Variants in M1AP observed in about 807,000 individuals in gnomAD.
M1AP encodes meiosis 1 associated protein.
A neutral mutation model predicts 51.2 loss-of-function variants in M1AP; 39 were observed. That is an observed-to-expected ratio of 0.76 (90% confidence interval 0.59 to 1.00). The LOEUF (loss-of-function observed/expected upper bound fraction) is 1.00, where lower values mean the gene tolerates loss of function less well. M1AP is among the 50% of genes least tolerant of loss of function. The pLI is 0.00. For synonymous variants in M1AP, 251 were observed against 249.2 expected (o/e 1.01, Z -0.07); for missense variants, 545 against 641.2 (o/e 0.85, Z 1.62).
At chr2:74,611,322 G>A (rs1250112245) in intron 3 of M1AP, among the ~76,000 whole-genome samples, 3 of 152,132 alleles carry the variant, frequency 2.0e-5, no homozygotes, top group Non-Finnish European at 2.9e-5. Context: ...TTTCTTCAAC[G>A]GAAGACTTTT....
chr2:74,623,131 T>C (rs1682166276), intron 2 of M1AP, among the ~76,000 whole-genome samples: 1 of 152,012 alleles, frequency 6.6e-6, no homozygotes, highest in Non-Finnish European at 1.5e-5. Context: ...AAAAAACAAA[T>C]TATTGGACTA....
rs115450930 is a variant in M1AP, at chr2:74,613,788, G to A, written c.426+1176C>T. The stretch of plus-strand genomic sequence containing the variant: ...CAGAGGCATGAGGGAATTTTCCCCC[G>A]ATGTTTACAAGAGGACTTGGTTGAG... On this transcript the variant is annotated intron_variant, in intron 3 of 10. Transcript: ENST00000421985. Among the ~76,000 whole-genome samples, 289 of 152,258 alleles carry A rather than the reference G, an allele frequency of 1.9e-3. 4 individuals carry two copies. Among genetic ancestry groups the A allele is most frequent in the African/African-American group, 6.6e-3 (275 of 41,538 alleles).
At chr2:74,644,250 CATAG>C (rs1683467794) in intron 1 of M1AP, among the ~76,000 whole-genome samples, 1 of 152,066 alleles carries the variant, frequency 6.6e-6, no homozygotes, top group Non-Finnish European at 1.5e-5. Flanking sequence ...TCTAAGAATA[CATAG>C]ATAGGCCGGG....
At chr2:74,623,559 C>T (rs1291442469) in intron 2 of M1AP, among the ~76,000 whole-genome samples, 8 of 151,788 alleles carry the variant, frequency 5.3e-5, no homozygotes, top group Non-Finnish European at 4.4e-5. Context: ...TACCCTCAGA[C>T]ATTTAAATTT....
At chr2:74,608,988 T>C (rs1470437187) in intron 3 of M1AP, among the ~76,000 whole-genome samples, 1 of 152,252 alleles carries the variant, frequency 6.6e-6, no homozygotes, top group African/African-American at 2.4e-5. Flanking sequence ...GTGTGATGTT[T>C]TGATACATTT....
chr2:74,641,931 C>T (rs1338650451), intron 1 of M1AP, among the ~76,000 whole-genome samples: 4 of 151,528 alleles, frequency 2.6e-5, no homozygotes, highest in South Asian at 2.1e-4. Context: ...CTGCAACCTC[C>T]GCCTCCCGGG....
At chr2:74,631,660 T>A (rs1439268117) in intron 2 of M1AP, among the ~76,000 whole-genome samples, 3 of 152,096 alleles carry the variant, frequency 2.0e-5, no homozygotes, top group African/African-American at 4.8e-5. Flanking sequence ...AAAAGTAAAA[T>A]AATTGGGAAG....
Position 74,561,267 on chromosome 2 carries a change from GAA to G in M1AP, c.1281+948_1281+949del, listed in dbSNP as rs1281900307. 4.1e-5 allele frequency among the ~76,000 whole-genome samples: 6 copies of G among 147,840 alleles called. No individual in the cohort carries two copies. The East Asian group carries it at 1.2e-3, about 29-fold the overall frequency. ...AGGAGGAGGAGGAGGAGGAGAAGAA[GAA>G]AAAGAAGGAGGTAAAAATGGCTTTC... is the stretch of plus-strand genomic sequence containing the variant. On this transcript the variant is annotated intron_variant, in intron 8 of 10. Coordinates refer to ENST00000421985, the MANE Select transcript of M1AP (RefSeq NM_001321739.2).
chr2:74,587,233 C>G (rs898156888), intron 4 of M1AP, among the ~76,000 whole-genome samples: 1 of 150,922 alleles, frequency 6.6e-6, no homozygotes, highest in Non-Finnish European at 1.5e-5. Flanking sequence ...GAGTCTCGCT[C>G]TGTCCCCCAG....
intron 4 of M1AP, among the ~76,000 whole-genome samples, chr2:74,596,309 G>A (rs922066324): frequency 2.6e-5 from 4 of 152,212 alleles, no homozygotes; most frequent in South Asian, 4.1e-4. Flanking sequence ...ATGGCGGGGC[G>A]CGGTGGCTCA....
At chr2:74,588,212 C>A (rs1337382657) in intron 4 of M1AP, among the ~76,000 whole-genome samples, 1 of 152,140 alleles carries the variant, frequency 6.6e-6, no homozygotes, top group Admixed American at 6.5e-5. Context: ...TTCTGAGAAC[C>A]CCTTGAAATT....
In M1AP at chr2:74,639,902, T is replaced by C. The variant is rs1683192441; in HGVS notation, c.240+134A>G. The stretch of plus-strand genomic sequence containing the variant: ...AGGATGCCCTCTGGCTCTCATGGTG[T>C]TACTCGGGGGCTACTGTGTGTGGAG... On this transcript the variant is annotated intron_variant, in intron 2 of 10. Coordinates refer to ENST00000421985, the MANE Select transcript of M1AP (RefSeq NM_001321739.2). 4 of 765,064 alleles carry C rather than the reference T, an allele frequency of 5.2e-6. No individual in the cohort carries two copies. The Admixed American group carries it at 7.4e-5, about 14-fold the overall frequency. 47.4% of individuals were successfully genotyped at this position (765,064 alleles called of 1,614,324 possible). A position where few individuals can be genotyped will look rare whatever the true frequency, so the allele number is the denominator to read the frequency against.
Position 74,607,221 on chromosome 2 carries a change from A to T in M1AP, c.429T>A (p.Ile143=). Residue 143 remains isoleucine, a splice_region_variant and synonymous_variant, in exon 4 of 11, where the codon ATT becomes ATA. Coordinates refer to ENST00000421985, the MANE Select transcript of M1AP (RefSeq NM_001321739.2). ...RAALTYTSLE[I]TILTSQPGKE... is the part of the protein sequence containing the mutation. Reference sequence around the variant, plus strand: ...TTCCAGGCTGAGAAGTCAGAATAGTAATCTGAAAATAAATCCAAGAATCAA... The same window carrying T: ...TTCCAGGCTGAGAAGTCAGAATAGTTATCTGAAAATAAATCCAAGAATCAA... The T allele has an allele frequency of 6.2e-7, 1 of 1,613,924 alleles. No individual in the cohort carries two copies. The highest frequency in any genetic ancestry group is 8.5e-7 in the Non-Finnish European group (1 of 1,179,860).
chr2:74,566,056 T>TA (rs1678363141), intron 7 of M1AP, among the ~76,000 whole-genome samples: 3 of 152,172 alleles, frequency 2.0e-5, no homozygotes, highest in Non-Finnish European at 4.4e-5. Context: ...CTCTTGCTAC[T>TA]TCTATTCACT....
At chr2:74,605,043 C>A (rs866174778) in intron 4 of M1AP, among the ~76,000 whole-genome samples, 7 of 151,966 alleles carry the variant, frequency 4.6e-5, no homozygotes, top group Non-Finnish European at 7.4e-5. Flanking sequence ...AAAGTCAAAA[C>A]TAGACTTTTT....
chr2:74,579,766 G>A lies in M1AP; in HGVS notation c.769+1908C>T, dbSNP rs186255844. 3.5e-3 allele frequency among the ~76,000 whole-genome samples: 534 copies of A among 151,930 alleles called. 2 individuals are homozygous for A. The highest frequency in any genetic ancestry group is 0.012 in the African/African-American group (491 of 41,430). On this transcript the variant is annotated intron_variant, in intron 5 of 10. Transcript: ENST00000421985. ...AAGAAAGAGCTGTGTAATGTTTAAC[G>A]GGCAATGTCTTCTTTCTTTTTTTTA...
At chr2:74,628,821 A>C in intron 2 of M1AP, 1 of 473,006 alleles carries the variant, frequency 2.1e-6, no homozygotes. Context: ...TTGAAAGAAT[A>C]AGTGGAAAAC....
chr2:74,637,617 T>C (rs992622580), intron 2 of M1AP, among the ~76,000 whole-genome samples: 8 of 152,226 alleles, frequency 5.3e-5, no homozygotes, highest in Admixed American at 4.6e-4. Flanking sequence ...CTTGTGTTTA[T>C]GTTAGGTAGT....
At chr2:74,563,606 T>TAAAAAAAAAAAAAAAAAAAA (rs750014043) in intron 7 of M1AP, among the ~76,000 whole-genome samples, 1 of 54,646 alleles carries the variant, frequency 1.8e-5, no homozygotes, top group Non-Finnish European at 3.8e-5. Flanking sequence ...TCTCAAAACA[T>TAAAAAAAAAAAAAAAAAAAA]AAAAAAAAAA....
Sources: gnomAD v4.1 joint callset for allele counts (sites outside exome capture counted in the v4.1 genomes callset) on GRCh38, gnomAD v4.1.1 for gene constraint, MANE v1.5 for transcripts, NCBI Gene and HGNC (gene_info 2026-07-23, HGNC 2026-07-21) for gene names.